The following NRG1 variants were observed in gnomAD, a reference collection of about 807,000 sequenced individuals.
The protein encoded by NRG1 is neuregulin 1, also known as pro-neuregulin-1, membrane-bound isoform.
Under a neutral mutation model 63.8 loss-of-function variants are expected in NRG1, and 18 were observed. That is an observed-to-expected ratio of 0.28 (90% CI 0.19 to 0.42). The LOEUF (loss-of-function observed/expected upper bound fraction) is 0.42, where lower values mean the gene tolerates loss of function less well. Among genes scored for constraint, NRG1 ranks in the 10% least tolerant of loss-of-function variants. The pLI is 1.00. For synonymous variants in NRG1, 302 were observed against 301.3 expected (o/e 1.00, Z -0.02); for missense variants, 762 against 814.7 (o/e 0.94, Z 0.79).
chr8:32,325,427 G>T (rs1338774586), intron 1 of NRG1, among the ~76,000 whole-genome samples: 1 of 152,164 alleles, frequency 6.6e-6, no homozygotes, highest in Non-Finnish European at 1.5e-5. Flanking sequence ...TGTCCCCCAG[G>T]CTGAAGTGCA....
chr8:31,733,283 G>A (rs915009326), intron 1 of NRG1, among the ~76,000 whole-genome samples: 6 of 151,938 alleles, frequency 3.9e-5, no homozygotes, highest in Non-Finnish European at 4.4e-5. Flanking sequence ...TAAGTATACA[G>A]GTGCAGGTAT....
At chr8:32,534,502 C>A (rs1831765867) in intron 1 of NRG1, among the ~76,000 whole-genome samples, 1 of 152,128 alleles carries the variant, frequency 6.6e-6, no homozygotes, top group Admixed American at 6.5e-5. Flanking sequence ...ATTAATTTCA[C>A]AGTAACTCCA....
chr8:32,414,043 A>T (rs1010388208), intron 1 of NRG1, among the ~76,000 whole-genome samples: 10 of 151,610 alleles, frequency 6.6e-5, no homozygotes, highest in Non-Finnish European at 1.0e-4. Flanking sequence ...AGGTTCTAGG[A>T]GGTTTGGGCT....
intron 1 of NRG1, among the ~76,000 whole-genome samples, chr8:31,988,022 C>T (rs1217334944): frequency 6.6e-6 from 1 of 152,062 alleles, no homozygotes; most frequent in Non-Finnish European, 1.5e-5. Flanking sequence ...GGTGCTTGTT[C>T]GTTTATACCA....
chr8:32,608,841 G>A (rs943195146), intron 3 of NRG1, among the ~76,000 whole-genome samples: 3 of 152,018 alleles, frequency 2.0e-5, no homozygotes, highest in African/African-American at 7.3e-5. Context: ...GCCCCCACGT[G>A]GCCATATTCT....
intron 1 of NRG1, among the ~76,000 whole-genome samples, chr8:31,983,625 G>C (rs1365809835): frequency 1.3e-5 from 2 of 151,966 alleles, no homozygotes; most frequent in Non-Finnish European, 2.9e-5. Flanking sequence ...CATGTGATGT[G>C]CTCTGCTGGG....
At chr8:32,008,719 A>G (rs1441912998) in intron 1 of NRG1, among the ~76,000 whole-genome samples, 1 of 152,082 alleles carries the variant, frequency 6.6e-6, no homozygotes, top group Non-Finnish European at 1.5e-5. Context: ...TCCTTAGGAT[A>G]AATTGGAAAG....
chr8:32,463,912 T>G lies in NRG1; in HGVS notation c.38-131916T>G, dbSNP rs1420191616. On this transcript the variant is annotated intron_variant, in intron 1 of 10. Coordinates refer to the NRG1 transcript ENST00000519301. ...TTTTTTTTTTTTTTTTTTTTTTTTTTTGGGGGAGGGTCTCATTCTGTTGCC... is the reference window on the plus strand; with the variant it reads ...TTTTTTTTTTTTTTTTTTTTTTTTTGTGGGGGAGGGTCTCATTCTGTTGCC... Among the ~76,000 whole-genome samples, 11 of 79,650 alleles carry G rather than the reference T, an allele frequency of 1.4e-4. 1 individual carries two copies. Among genetic ancestry groups the G allele is most frequent in the Admixed American group, 6.9e-4 (5 of 7,274 alleles). The allele number at this position is 79,650 out of a possible 152,430, so 52.3% of individuals were successfully genotyped here. A position where few individuals can be genotyped will look rare whatever the true frequency, so the allele number is the denominator to read the frequency against.
At chr8:32,760,365 A>G in exon 11 of NRG1, 1 of 1,614,030 alleles carries the variant, frequency 6.2e-7, no homozygotes, top group South Asian at 1.1e-5. Context: ...GGCATGCCAG[A>G]GAAACCCCTG....
chr8:32,574,618 C>T (rs1839273045), intron 1 of NRG1, among the ~76,000 whole-genome samples: 1 of 152,128 alleles, frequency 6.6e-6, no homozygotes, highest in Non-Finnish European at 1.5e-5. Flanking sequence ...CTCTTGCTTG[C>T]TCGCTCCTGC....
At position 31,887,937 on chromosome 8, in the gene NRG1, C is replaced by T. The variant is rs138120039; in HGVS notation, c.37+248506C>T. Among the ~76,000 whole-genome samples, 10 of 150,884 alleles carry T rather than the reference C, an allele frequency of 6.6e-5. No homozygotes were observed. The East Asian group carries it at 2.0e-3, about 29-fold the overall frequency. On this transcript the variant is annotated intron_variant, in intron 1 of 10. Transcript: ENST00000519301. ...TTTAATAAAATTATTTGTGTTTATT[C>T]AAAAATAATGAAAACATATATATTA... is the stretch of plus-strand genomic sequence containing the variant.
At chr8:32,061,204 T>G (rs1430198000) in intron 1 of NRG1, among the ~76,000 whole-genome samples, 1 of 151,938 alleles carries the variant, frequency 6.6e-6, no homozygotes, top group Non-Finnish European at 1.5e-5. Context: ...CATCACAAAA[T>G]CTATTATCAA....
chr8:32,401,147 G>A lies in NRG1; in HGVS notation c.38-194681G>A, dbSNP rs548051787. ...CAGACACTGGGGCCTACTTGAGGGT[G>A]GAGGGTGGGAGGAGGGAGAAGATCA... On this transcript the variant is annotated intron_variant, in intron 1 of 10. Coordinates refer to the NRG1 transcript ENST00000519301. 3.9e-5 allele frequency among the ~76,000 whole-genome samples: 6 copies of A among 152,154 alleles called. No individual in the cohort carries two copies. The East Asian group carries it at 9.7e-4, about 25-fold the overall frequency.
At position 31,946,173 on chromosome 8, in the gene NRG1, C is replaced by G. The variant is rs530790896; in HGVS notation, c.37+306742C>G. 1.2e-4 allele frequency among the ~76,000 whole-genome samples: 18 copies of G among 152,316 alleles called. No individual in the cohort carries two copies. In the South Asian group the frequency reaches 3.7e-3, roughly 32 times the overall value. On this transcript the variant is annotated intron_variant, in intron 1 of 10. Coordinates refer to the NRG1 transcript ENST00000519301. ...CCTAAACAATTCATCATTTGTCTGA[C>G]AGCATTTTTCCTTTATTAAATCCCA... is the stretch of plus-strand genomic sequence containing the variant.
intron 1 of NRG1, among the ~76,000 whole-genome samples, chr8:31,778,037 C>T (rs1430047080): frequency 6.6e-6 from 1 of 152,136 alleles, no homozygotes; most frequent in Non-Finnish European, 1.5e-5. Context: ...CAACTATGCA[C>T]CTCTCAATCC....
intron 5 of NRG1, among the ~76,000 whole-genome samples, chr8:32,722,459 A>G (rs1820896979): frequency 6.6e-6 from 1 of 152,188 alleles, no homozygotes; most frequent in African/African-American, 2.4e-5. Context: ...AAAAAAACCT[A>G]GCCTTCTACA....
At chr8:31,944,906 G>T (rs966708859) in intron 1 of NRG1, among the ~76,000 whole-genome samples, 5 of 152,092 alleles carry the variant, frequency 3.3e-5, no homozygotes, top group African/African-American at 1.2e-4. Flanking sequence ...ATCATCAACC[G>T]CATTTCCCAA....
intron 1 of NRG1, among the ~76,000 whole-genome samples, chr8:32,109,348 T>C (rs889169404): frequency 3.3e-5 from 5 of 152,162 alleles, no homozygotes; most frequent in East Asian, 1.9e-4. Flanking sequence ...GCAGATTAAT[T>C]TGAGAGTCCA....
intron 1 of NRG1, among the ~76,000 whole-genome samples, chr8:32,510,527 C>T (rs542412134): frequency 3.9e-5 from 6 of 152,048 alleles, no homozygotes; most frequent in African/African-American, 1.4e-4. Context: ...AAAAAGTACC[C>T]AGAAGTCGCA....
Sources: allele counts gnomAD v4.1 joint callset (sites outside exome capture counted in the v4.1 genomes callset), GRCh38; gene constraint gnomAD v4.1.1; transcripts MANE v1.5; gene names NCBI Gene and HGNC (gene_info 2026-07-23, HGNC 2026-07-21).